Variants in NTRK2 observed in about 807,000 individuals in gnomAD.
NTRK2 encodes BDNF/NT-3 growth factors receptor.
In NTRK2, 13 loss-of-function variants were observed where a neutral mutation model predicts 94.5. The observed-to-expected ratio is 0.14, with a 90% confidence interval of 0.09 to 0.22. NTRK2 has a LOEUF of 0.22. Among genes scored for constraint, NTRK2 ranks in the 10% least tolerant of loss-of-function variants. NTRK2 has a pLI of 1.00. For missense variants in NTRK2, 639 were observed against 1,071.2 expected (o/e 0.60, Z 5.63); for synonymous variants, 372 against 407.4 (o/e 0.91, Z 1.05).
At chr9:84,832,468 T>C (rs1017183558) in intron 12 of NTRK2, among the ~76,000 whole-genome samples, 2 of 152,224 alleles carry the variant, frequency 1.3e-5, no homozygotes, top group African/African-American at 4.8e-5. Flanking sequence ...CTGACATTTC[T>C]GCTGGTCCTG....
chr9:84,706,873 C>G (rs569259257), intron 4 of NTRK2, among the ~76,000 whole-genome samples: 3 of 152,238 alleles, frequency 2.0e-5, no homozygotes, highest in African/African-American at 7.2e-5. Flanking sequence ...ACTTGCCTTC[C>G]TCGGCAGGAA....
Position 84,814,829 on chromosome 9 carries a change from A to G in NTRK2, c.1397-46211A>G, listed in dbSNP as rs1222231981. On this transcript the variant is annotated intron_variant, in intron 12 of 18. Coordinates refer to ENST00000277120, the MANE Select transcript of NTRK2 (RefSeq NM_006180.6). Reference sequence around the variant, plus strand: ...GGGCAGGGCCAGTCACATCTAGTCTATGTCCCCAGAGCCCTTGGAGTTGCG... The same window carrying G: ...GGGCAGGGCCAGTCACATCTAGTCTGTGTCCCCAGAGCCCTTGGAGTTGCG... 4.7e-6 allele frequency: 5 copies of G among 1,063,762 alleles called. No homozygotes were observed. In the African/African-American group the frequency reaches 8.2e-5, roughly 17 times the overall value. The allele number at this position is 1,063,762 out of a possible 1,614,324, so 65.9% of individuals were successfully genotyped here. A position where few individuals can be genotyped will look rare whatever the true frequency, so the allele number is the denominator to read the frequency against.
chr9:85,009,183 C>T (rs1160325763), intron 17 of NTRK2, among the ~76,000 whole-genome samples: 1 of 152,194 alleles, frequency 6.6e-6, no homozygotes, highest in Non-Finnish European at 1.5e-5. Flanking sequence ...CTCATGAAAC[C>T]ACAAAATAAA....
Position 84,702,390 on chromosome 9 carries a change from A to C in NTRK2, c.330A>C (p.Ala110=). 1.2e-6 allele frequency: 2 copies of C among 1,614,198 alleles called. No homozygotes were observed. The highest frequency in any genetic ancestry group is 1.7e-6 in the Non-Finnish European group (2 of 1,180,018). ...DSGLKFVAHK[A]FLKNSNLQHI... The stretch of plus-strand genomic sequence containing the variant: ...GATTAAAATTTGTGGCTCATAAAGC[A>C]TTTCTGAAAAACAGCAACCTGCAGC... The change falls in exon 4 of 19, where the codon GCA becomes GCC. Residue 110 remains alanine, a synonymous_variant. Coordinates refer to ENST00000277120, the MANE Select transcript of NTRK2 (RefSeq NM_006180.6).
intron 16 of NTRK2, among the ~76,000 whole-genome samples, chr9:84,952,907 ATATT>A (rs1411738927): frequency 4.6e-5 from 7 of 152,192 alleles, no homozygotes; most frequent in Admixed American, 2.6e-4. Flanking sequence ...CCTCTGAGAG[ATATT>A]TAAAGTAGAT....
chr9:84,732,067 C>G (rs1172238320), intron 9 of NTRK2, among the ~76,000 whole-genome samples: 1 of 152,134 alleles, frequency 6.6e-6, no homozygotes, highest in Non-Finnish European at 1.5e-5. Context: ...GAACTTAGCT[C>G]TGGTTAGTTT....
At position 84,858,271 on chromosome 9, in the gene NTRK2, G is replaced by A. The variant is rs76100455; in HGVS notation, c.1397-2769G>A. Among the ~76,000 whole-genome samples the A allele has an allele frequency of 4.6e-3, 693 of 152,042 alleles. 12 individuals are homozygous for A. The highest frequency in any genetic ancestry group is 0.038 in the Admixed American group (575 of 15,274). ...CCTCCCATAATCCTGATTTCACCCTGCAGCCAAAATGATTTCTCTAAAATT... is the reference window on the plus strand; with the variant it reads ...CCTCCCATAATCCTGATTTCACCCTACAGCCAAAATGATTTCTCTAAAATT... On this transcript the variant is annotated intron_variant, in intron 12 of 18. Coordinates refer to ENST00000277120, the MANE Select transcript of NTRK2 (RefSeq NM_006180.6).
intron 12 of NTRK2, among the ~76,000 whole-genome samples, chr9:84,836,656 C>T (rs2073888315): frequency 6.8e-6 from 1 of 146,622 alleles, no homozygotes; most frequent in Admixed American, 7.0e-5. Context: ...GAACAGGATG[C>T]CTTGGATTTG....
chr9:84,674,756 G>A (rs1186621683), intron 2 of NTRK2, among the ~76,000 whole-genome samples: 1 of 152,168 alleles, frequency 6.6e-6, no homozygotes, highest in Non-Finnish European at 1.5e-5. Context: ...ACAGACATCA[G>A]CTTGGCACAA....
At position 84,812,685 on chromosome 9, in the gene NTRK2, C is replaced by A. The variant is rs2071940299; in HGVS notation, c.1397-48355C>A. 3.8e-6 allele frequency: 4 copies of A among 1,042,354 alleles called. No homozygotes were observed. The African/African-American group carries it at 5.0e-5, about 13-fold the overall frequency. 64.6% of individuals were successfully genotyped at this position (1,042,354 alleles called of 1,614,324 possible). ...TTTGGTACAAAAAAGATTTTTAAAG[C>A]TTTTATGTTATACCATGGAGCCATA... On this transcript the variant is annotated intron_variant, in intron 12 of 18. Transcript: ENST00000277120.
At chr9:84,929,365 A>C (rs1712311118) in intron 14 of NTRK2, among the ~76,000 whole-genome samples, 1 of 152,208 alleles carries the variant, frequency 6.6e-6, no homozygotes, top group Non-Finnish European at 1.5e-5. Context: ...TCCATCAGTG[A>C]CAGGGTTGCC....
chr9:84,848,077 G>A (rs965455920), intron 12 of NTRK2, among the ~76,000 whole-genome samples: 10 of 83,024 alleles, frequency 1.2e-4, no homozygotes, highest in East Asian at 1.1e-3. Context: ...AGTAGAGAGG[G>A]GCAGAGAGAG....
intron 17 of NTRK2, among the ~76,000 whole-genome samples, chr9:84,999,926 C>G (rs1830152730): frequency 6.6e-6 from 1 of 152,162 alleles, no homozygotes; most frequent in Non-Finnish European, 1.5e-5. Context: ...CCTCCCCAGC[C>G]CAGCAAATGA....
intron 17 of NTRK2, among the ~76,000 whole-genome samples, chr9:84,975,816 G>A (rs896915955): frequency 2.8e-5 from 4 of 142,946 alleles, no homozygotes; most frequent in Non-Finnish European, 6.1e-5. Context: ...AATACAATAT[G>A]TATTGTAAGT....
chr9:84,995,881 T>C (rs1484671198), intron 17 of NTRK2, among the ~76,000 whole-genome samples: 7 of 152,184 alleles, frequency 4.6e-5, no homozygotes, highest in African/African-American at 1.7e-4. Context: ...TAATTAACCA[T>C]TAATAGAGGA....
At chr9:84,891,227 G>A (rs536164097) in intron 14 of NTRK2, among the ~76,000 whole-genome samples, 2 of 151,858 alleles carry the variant, frequency 1.3e-5, no homozygotes, top group South Asian at 2.1e-4. Flanking sequence ...ACTCAAGATG[G>A]TCAAGCTTTT....
intron 15 of NTRK2, 77 bp from the exon 16 acceptor site, chr9:84,948,385 A>T (rs1336422873): frequency 6.9e-7 from 1 of 1,452,334 alleles, no homozygotes. Context: ...TGCCTAACAA[A>T]TGAGATGGAT....
rs544467334 is a variant in NTRK2 at position 85,025,977 on chromosome 9, G to A, written c.*4540G>A. On this transcript the variant is annotated 3_prime_UTR_variant, in exon 19 of 19. Transcript: ENST00000277120. ...GGGGTATTTTCTTGTTGTCAGGGCT[G>A]GAATGAATCACTGCTGCTCAAGTCA... The A allele has an allele frequency of 6.5e-5, 15 of 232,544 alleles. No individual in the cohort carries two copies. Among genetic ancestry groups the A allele is most frequent in the African/African-American group, 2.9e-4 (13 of 45,388 alleles). The allele number at this position is 232,544 out of a possible 1,614,324, so 14.4% of individuals were successfully genotyped here.
intron 12 of NTRK2, among the ~76,000 whole-genome samples, chr9:84,782,907 T>G (rs767321930): frequency 6.6e-6 from 1 of 152,188 alleles, no homozygotes; most frequent in Non-Finnish European, 1.5e-5. Context: ...ATGTTATCCG[T>G]GGCTTATGTC....
Sources: gnomAD v4.1 joint callset for allele counts (sites outside exome capture counted in the v4.1 genomes callset) on GRCh38, gnomAD v4.1.1 for gene constraint, MANE v1.5 for transcripts, NCBI Gene and HGNC (gene_info 2026-07-23, HGNC 2026-07-21) for gene names.